The following EXTL3 variants were observed in gnomAD, a reference collection of about 807,000 sequenced individuals.
The protein encoded by EXTL3 is exostosin like glycosyltransferase 3, also known as exostosin-like 3.
Under a neutral mutation model 69.3 loss-of-function variants are expected in EXTL3, and 27 were observed. That is an observed-to-expected ratio of 0.39 (90% CI 0.29 to 0.54). The LOEUF (loss-of-function observed/expected upper bound fraction) is 0.54. Ranked by LOEUF, EXTL3 falls within the 20% of genes least tolerant of loss-of-function variation. The probability of loss-of-function intolerance (pLI) is 0.69; values close to 1 mark genes in which losing one functional copy is unlikely to be tolerated. For synonymous variants in EXTL3, 511 were observed against 499.4 expected (o/e 1.02, Z -0.31); for missense variants, 1,003 against 1,231.8 (o/e 0.81, Z 2.78).
At position 28,716,735 on chromosome 8, in the gene EXTL3, G is replaced by C. The variant is rs531742587; in HGVS notation, c.676G>C (p.Val226Leu). ...TTTTCAGGCGACAGCACGAGCTAAC[G>C]TTTATGTTACAGAAAATGCAGACAT... The part of the protein sequence containing the change: ...QAFQATARAN[V>L]YVTENADIAC... The change falls in exon 3 of 7, where the codon GTT (valine) becomes CTT (leucine). Residue 226 changes from valine to leucine, a missense_variant. Around this residue, in one of 2 missense-constraint regions of EXTL3, gnomAD observed 742 missense variants for 815.4 expected, o/e 0.91. Transcript: ENST00000220562. The surrounding 1 kb of genome is among the most constrained non-coding windows in gnomAD (Gnocchi z 7.1). The C allele has an allele frequency of 8.7e-6, 14 of 1,614,100 alleles. No individual in the cohort carries two copies. In the East Asian group the frequency reaches 3.1e-4, roughly 36 times the overall value.
intron 4 of EXTL3, among the ~76,000 whole-genome samples, chr8:28,732,938 C>T (rs1458510219): frequency 6.6e-6 from 1 of 152,116 alleles, no homozygotes; most frequent in Admixed American, 6.5e-5. Flanking sequence ...CACCATGTTG[C>T]CCAGGCTGAT....
chr8:28,614,230 A>C (rs1327980024), intron 2 of EXTL3, among the ~76,000 whole-genome samples: 13 of 124,626 alleles, frequency 1.0e-4, no homozygotes, highest in Admixed American at 3.1e-4. Context: ...TTTTAGCCTA[A>C]TTTTTATTTG....
In EXTL3 at chr8:28,750,767, C is replaced by T. The variant is rs143878878; in HGVS notation, c.2661C>T (p.Tyr887=). The change falls in exon 7 of 7, where the codon TAC becomes TAT. Residue 887 remains tyrosine (Y), a synonymous_variant. Transcript: ENST00000220562. This position sits in a 1 kb window ranked among gnomAD's most constrained non-coding sequence, Gnocchi z 5.2. The stretch of plus-strand genomic sequence containing the variant: ...GCATCAACTTCTTCGTGAAGGTGTA[C>T]GGCTACATGCCCCTCCTGTACACGC... The part of the protein sequence containing the change: ...HKCINFFVKV[Y]GYMPLLYTQF... 8.3e-5 allele frequency: 134 copies of T among 1,614,078 alleles called. 1 individual carries two copies. The highest frequency in any genetic ancestry group is 1.9e-4 in the South Asian group (17 of 91,088).
At chr8:28,658,021 G>A (rs1807039254) in intron 1 of EXTL3, among the ~76,000 whole-genome samples, 2 of 152,238 alleles carry the variant, frequency 1.3e-5, no homozygotes, top group African/African-American at 4.8e-5. Flanking sequence ...CAAGAGGGCA[G>A]GCTGAGAGGG....
chr8:28,632,317 C>T (rs2130564543), intron 1 of EXTL3, among the ~76,000 whole-genome samples: 1 of 152,014 alleles, frequency 6.6e-6, no homozygotes, highest in Non-Finnish European at 1.5e-5. Flanking sequence ...ATCGCTTAAA[C>T]CCAGGAGACA....
intron 1 of EXTL3, among the ~76,000 whole-genome samples, chr8:28,661,115 G>A (rs1361750050): frequency 8.6e-5 from 13 of 151,420 alleles, no homozygotes; most frequent in African/African-American, 2.2e-4. Context: ...GGGTTTCATC[G>A]TGTTAGCCAG....
At chr8:28,727,886 A>C (rs902361772) in intron 3 of EXTL3, among the ~76,000 whole-genome samples, 3 of 152,064 alleles carry the variant, frequency 2.0e-5, no homozygotes, top group African/African-American at 7.2e-5. Context: ...TTCGCCTCAC[A>C]CTTTGAACTC....
intron 1 of EXTL3, among the ~76,000 whole-genome samples, chr8:28,651,389 TATC>T (rs1264358192): frequency 6.6e-6 from 1 of 152,152 alleles, no homozygotes; most frequent in Non-Finnish European, 1.5e-5. Flanking sequence ...GCAGTGGCAC[TATC>T]ATGACTCACT....
At chr8:28,647,054 G>A (rs11993881) in intron 1 of EXTL3, among the ~76,000 whole-genome samples, 18,431 of 151,790 alleles carry the variant, frequency 0.12, 3,179 homozygotes, top group African/African-American at 0.38. Context: ...ACATGAAATA[G>A]ACTGTATTCT....
rs150034117 is a variant in EXTL3 at position 28,661,527 on chromosome 8, A to T, written c.-53+38717A>T. On this transcript the variant is annotated intron_variant, in intron 1 of 6. Transcript: ENST00000523149. ...AATATATATATGTTGGGGCGTATAT[A>T]AACACACATATATATATAGTATACA... Among the ~76,000 whole-genome samples the T allele has an allele frequency of 1.4e-3, 212 of 152,156 alleles. 2 individuals are homozygous for T. The highest frequency in any genetic ancestry group is 4.5e-3 in the African/African-American group (185 of 41,522).
chr8:28,744,045 T>C (rs1231937817), intron 6 of EXTL3: 1 of 152,296 alleles, frequency 6.6e-6, no homozygotes, highest in African/African-American at 2.4e-5. Context: ...CCACTTCCTG[T>C]CATCTTTGTG....
chr8:28,695,285 T>C (rs926746996), intron 1 of EXTL3, among the ~76,000 whole-genome samples: 1 of 151,910 alleles, frequency 6.6e-6, no homozygotes, highest in Non-Finnish European at 1.5e-5. Flanking sequence ...CCCACCACCA[T>C]GCCCGGCTAA....
At chr8:28,755,945 G>A (rs765919812), downstream of EXTL3, among the ~76,000 whole-genome samples, 9 of 152,112 alleles carry the variant, frequency 5.9e-5, no homozygotes, top group Non-Finnish European at 8.8e-5. Context: ...CCCATGCCCC[G>A]TCCCTTCACC....
intron 1 of EXTL3, among the ~76,000 whole-genome samples, chr8:28,640,144 G>A (rs1806720121): frequency 2.0e-5 from 3 of 151,998 alleles, no homozygotes; most frequent in Admixed American, 2.0e-4. Context: ...CAGACTCTAA[G>A]GTTCATGAGT....
At chr8:28,746,866 G>A (rs1801899019) in intron 6 of EXTL3, among the ~76,000 whole-genome samples, 1 of 152,114 alleles carries the variant, frequency 6.6e-6, no homozygotes, top group Non-Finnish European at 1.5e-5. Context: ...AGTAGAGAAG[G>A]GGTTTCACCA....
At chr8:28,699,404 G>T (rs35955216), upstream of EXTL3, 12,715 of 141,418 alleles carry the variant, frequency 0.09, 548 homozygotes, top group South Asian at 0.15. Context: ...GGAGCTAGAG[G>T]AGACTGAGAC....
chr8:28,718,276 T>G (rs1317702021), intron 3 of EXTL3, 69 bp downstream of exon 3: 1 of 1,476,344 alleles, frequency 6.8e-7, no homozygotes, highest in African/African-American at 1.4e-5. Context: ...CTTTTCCAAC[T>G]TCCTTCACTT....
intron 5 of EXTL3, 88 bp downstream of exon 5, chr8:28,737,751 C>A: frequency 7.3e-7 from 1 of 1,368,340 alleles, no homozygotes; most frequent in Non-Finnish European, 1.0e-6. Flanking sequence ...CTTAGCTCTC[C>A]TAACGCTTCT....
chr8:28,713,440 T>G lies in EXTL3; in HGVS notation c.-569-17T>G. ...TCACTGTTCTATTTTTGTTTTTTGTTTTTTTTTTTAAATCAGGAGAGCAAG... is the reference window on the plus strand; with the variant it reads ...TCACTGTTCTATTTTTGTTTTTTGTGTTTTTTTTTAAATCAGGAGAGCAAG... On this transcript the variant is annotated splice_polypyrimidine_tract_variant and intron_variant, in intron 1 of 6. Transcript: ENST00000220562. 3.0e-6 allele frequency: 2 copies of G among 664,104 alleles called. No homozygotes were observed. Among genetic ancestry groups the G allele is most frequent in the Admixed American group, 5.1e-5 (2 of 39,502 alleles). The allele number at this position is 664,104 out of a possible 1,614,324, so 41.1% of individuals were successfully genotyped here.
Sources: allele counts gnomAD v4.1 joint callset (sites outside exome capture counted in the v4.1 genomes callset), GRCh38; gene constraint gnomAD v4.1.1; regional missense constraint gnomAD v4.1.1; non-coding constraint Gnocchi (gnomAD v3.1); transcripts MANE v1.5; gene names NCBI Gene and HGNC (gene_info 2026-07-23, HGNC 2026-07-21).